Variants in KLF12 observed in about 807,000 individuals in gnomAD.
KLF12 encodes KLF transcription factor 12.
Under a neutral mutation model 37.8 loss-of-function variants are expected in KLF12, and 9 were observed. The ratio of observed to expected loss-of-function variants is 0.24; its 90% CI spans 0.14 to 0.42. The LOEUF (loss-of-function observed/expected upper bound fraction) is 0.42, where lower values mean the gene tolerates loss of function less well. KLF12 is among the 10% of genes least tolerant of loss of function. The pLI is 1.00. For synonymous variants in KLF12, 208 were observed against 202.1 expected (o/e 1.03, Z -0.25); for missense variants, 411 against 516.0 (o/e 0.80, Z 1.97).
the KLF12 span, among the ~76,000 whole-genome samples, chr13:74,274,712 T>C: frequency 3.9e-5 from 6 of 152,068 alleles, no homozygotes; most frequent in African/African-American, 1.4e-4. Context: ...TGAAGTTGAA[T>C]ATTTTTCATG....
chr13:73,889,196 T>C (rs1289399087), intron 3 of KLF12, among the ~76,000 whole-genome samples: 3 of 152,168 alleles, frequency 2.0e-5, no homozygotes, highest in African/African-American at 7.2e-5. Flanking sequence ...AGGCAGAAGA[T>C]ATATGTACAT....
intron 3 of KLF12, among the ~76,000 whole-genome samples, chr13:73,854,505 C>T (rs1430514076): frequency 6.6e-6 from 1 of 152,172 alleles, no homozygotes; most frequent in Non-Finnish European, 1.5e-5. Flanking sequence ...AACTCCTACA[C>T]AGGATAAACA....
intron 1 of KLF12, among the ~76,000 whole-genome samples, chr13:74,075,612 C>G (rs1386356549): frequency 2.0e-5 from 3 of 152,154 alleles, no homozygotes. Flanking sequence ...TGCCTATATT[C>G]CACTGTGAAC....
chr13:73,884,620 C>A (rs1309166664), intron 3 of KLF12, among the ~76,000 whole-genome samples: 1 of 152,242 alleles, frequency 6.6e-6, no homozygotes, highest in Non-Finnish European at 1.5e-5. Flanking sequence ...ACAGAACTTT[C>A]TGCATGATGG....
At chr13:73,789,740 C>G (rs1456207415) in intron 5 of KLF12, among the ~76,000 whole-genome samples, 1 of 151,370 alleles carries the variant, frequency 6.6e-6, no homozygotes, top group Non-Finnish European at 1.5e-5. Flanking sequence ...GCGGTGGTGC[C>G]ATCTCCGCTC....
chr13:74,305,222 G>A, the KLF12 span, among the ~76,000 whole-genome samples: 1 of 152,060 alleles, frequency 6.6e-6, no homozygotes, highest in Non-Finnish European at 1.5e-5. Flanking sequence ...CACATCTGCA[G>A]AGGATACCAT....
chr13:74,185,083 A>G, the KLF12 span, among the ~76,000 whole-genome samples: 2 of 151,966 alleles, frequency 1.3e-5, no homozygotes, highest in African/African-American at 4.8e-5. Flanking sequence ...GAACTTATCT[A>G]CTCTGTAATG....
At chr13:73,701,691 A>T (rs1874565020) in intron 7 of KLF12, among the ~76,000 whole-genome samples, 1 of 152,194 alleles carries the variant, frequency 6.6e-6, no homozygotes, top group Non-Finnish European at 1.5e-5. Context: ...GAGAAAAATC[A>T]AAGGACACTA....
chr13:73,819,586 G>T lies in KLF12; in HGVS notation c.671-6299C>A, dbSNP rs1490058210. 2.6e-5 allele frequency among the ~76,000 whole-genome samples: 4 copies of T among 152,208 alleles called. No homozygotes were observed. The East Asian group carries it at 7.7e-4, about 29-fold the overall frequency. On this transcript the variant is annotated intron_variant, in intron 4 of 7. Coordinates refer to ENST00000377669, the MANE Select transcript of KLF12 (RefSeq NM_007249.5). Reference sequence around the variant, plus strand: ...AGCAGTCTTCTGGCTGGAGAAAGAAGAGTGAAAAAGAGTGAACAGATTAAA... The same window carrying T: ...AGCAGTCTTCTGGCTGGAGAAAGAATAGTGAAAAAGAGTGAACAGATTAAA...
intron 6 of KLF12, among the ~76,000 whole-genome samples, chr13:73,742,334 G>T (rs1451430493): frequency 6.6e-6 from 1 of 152,110 alleles, no homozygotes; most frequent in Non-Finnish European, 1.5e-5. Context: ...TTTTACTTCA[G>T]TCAAACCTGA....
At chr13:74,199,518 T>C in the KLF12 span, among the ~76,000 whole-genome samples, 1 of 152,222 alleles carries the variant, frequency 6.6e-6, no homozygotes. Context: ...TAATAAAGGC[T>C]TGCTGAAATA....
At chr13:74,226,178 A>C in the KLF12 span, among the ~76,000 whole-genome samples, 1 of 152,150 alleles carries the variant, frequency 6.6e-6, no homozygotes, top group African/African-American at 2.4e-5. Flanking sequence ...GATTAGATAG[A>C]AAACAAATGT....
At chr13:73,851,393 A>G (rs1253277597) in intron 3 of KLF12, among the ~76,000 whole-genome samples, 1 of 152,198 alleles carries the variant, frequency 6.6e-6, no homozygotes, top group Admixed American at 6.5e-5. Context: ...ATTTAGAAAC[A>G]ATTTTCTCTT....
At chr13:73,750,155 T>C (rs2072949564) in intron 6 of KLF12, among the ~76,000 whole-genome samples, 1 of 152,194 alleles carries the variant, frequency 6.6e-6, no homozygotes, top group African/African-American at 2.4e-5. Context: ...ATGTCTGTAA[T>C]GTGAAAATAT....
At chr13:73,829,172 A>G (rs1166670102) in intron 4 of KLF12, among the ~76,000 whole-genome samples, 2 of 152,216 alleles carry the variant, frequency 1.3e-5, no homozygotes, top group African/African-American at 4.8e-5. Flanking sequence ...CATGTGGTTA[A>G]ATCATGAATG....
At chr13:73,990,093 A>C (rs1014558231) in intron 2 of KLF12, among the ~76,000 whole-genome samples, 3 of 152,196 alleles carry the variant, frequency 2.0e-5, no homozygotes, top group Admixed American at 1.3e-4. Context: ...TAGTTTTTTA[A>C]AAAGTTCAAC....
chr13:74,200,584 A>G, the KLF12 span, among the ~76,000 whole-genome samples: 1 of 152,030 alleles, frequency 6.6e-6, no homozygotes, highest in Non-Finnish European at 1.5e-5. Flanking sequence ...CTGGTGAGAG[A>G]TGATAGTCAA....
At chr13:73,767,686 G>A (rs1040746175) in intron 5 of KLF12, among the ~76,000 whole-genome samples, 1 of 151,684 alleles carries the variant, frequency 6.6e-6, no homozygotes, top group African/African-American at 2.4e-5. Flanking sequence ...CAGAGAGCAT[G>A]TTTATAATTT....
At chr13:74,220,031 G>T in the KLF12 span, among the ~76,000 whole-genome samples, 1 of 151,954 alleles carries the variant, frequency 6.6e-6, no homozygotes, top group Admixed American at 6.6e-5. Context: ...TATTGCATCT[G>T]CTTCGACTTT....
Sources: gnomAD v4.1 joint callset for allele counts (sites outside exome capture counted in the v4.1 genomes callset) on GRCh38, gnomAD v4.1.1 for gene constraint, MANE v1.5 for transcripts, NCBI Gene and HGNC (gene_info 2026-07-23, HGNC 2026-07-21) for gene names.